SLC1A2: variants seen among roughly 807,000 people sequenced by gnomAD.
SLC1A2 encodes excitatory amino acid transporter 2.
In SLC1A2, 15 loss-of-function variants were observed where a neutral mutation model predicts 48.8. The observed-to-expected ratio is 0.31, with a 90% CI of 0.21 to 0.47. The LOEUF is 0.47. Among genes scored for constraint, SLC1A2 ranks in the 20% least tolerant of loss-of-function variants. The pLI is 0.99. For synonymous variants in SLC1A2, 279 were observed against 272.6 expected, an observed-to-expected ratio of 1.02 and a Z score of -0.23; for missense variants, 502 against 730.5, an observed-to-expected ratio of 0.69 and a Z score of 3.61.
intron 1 of SLC1A2, among the ~76,000 whole-genome samples, chr11:35,410,879 C>T (rs116362978): frequency 0.013 from 2,020 of 152,250 alleles, 45 homozygotes; most frequent in African/African-American, 0.046. Flanking sequence ...TAAGGATTTA[C>T]GCTGAAAGCT....
intron 1 of SLC1A2, among the ~76,000 whole-genome samples, chr11:35,402,776 C>T (rs2135275934): frequency 6.6e-6 from 1 of 152,336 alleles, no homozygotes; most frequent in Non-Finnish European, 1.5e-5. Flanking sequence ...GGACACCTGC[C>T]TGGTGTCGGG....
intron 1 of SLC1A2, among the ~76,000 whole-genome samples, chr11:35,394,444 T>C (rs1318550118): frequency 2.0e-5 from 3 of 151,996 alleles, no homozygotes; most frequent in African/African-American, 7.3e-5. Flanking sequence ...AATATGGAAG[T>C]GCAAATAGCT....
At chr11:35,296,602 C>T (rs1294963351) in intron 6 of SLC1A2, among the ~76,000 whole-genome samples, 1 of 152,142 alleles carries the variant, frequency 6.6e-6, no homozygotes, top group Non-Finnish European at 1.5e-5. Flanking sequence ...CTCCTGCCCA[C>T]CTCTCCAACT....
At chr11:35,270,714 A>G (rs1850257701) in intron 9 of SLC1A2, among the ~76,000 whole-genome samples, 1 of 152,244 alleles carries the variant, frequency 6.6e-6, no homozygotes, top group Non-Finnish European at 1.5e-5. Context: ...CTTTAAGTAG[A>G]AGTGTCTTGA....
intron 1 of SLC1A2, among the ~76,000 whole-genome samples, chr11:35,340,792 A>G (rs1214078501): frequency 6.6e-6 from 1 of 152,232 alleles, no homozygotes; most frequent in Non-Finnish European, 1.5e-5. Flanking sequence ...GAACTTTCTT[A>G]GAAAACTGTG....
intron 1 of SLC1A2, among the ~76,000 whole-genome samples, chr11:35,397,695 A>T (rs923450668): frequency 6.6e-6 from 1 of 152,132 alleles, no homozygotes; most frequent in Non-Finnish European, 1.5e-5. Context: ...TGGAGCCCTC[A>T]TGAATGGAAT....
At chr11:35,343,118 G>A (rs1201589358) in intron 1 of SLC1A2, among the ~76,000 whole-genome samples, 3 of 152,246 alleles carry the variant, frequency 2.0e-5, no homozygotes, top group Non-Finnish European at 4.4e-5. Context: ...TAGTGAGACA[G>A]GAATAATACA....
chr11:35,269,738 C>T (rs181573975), intron 9 of SLC1A2, among the ~76,000 whole-genome samples: 7 of 152,252 alleles, frequency 4.6e-5, no homozygotes, highest in Non-Finnish European at 7.4e-5. Context: ...CATCAAATCT[C>T]CTTGAATTTG....
intron 1 of SLC1A2, among the ~76,000 whole-genome samples, chr11:35,341,840 A>G (rs1416547398): frequency 6.6e-6 from 1 of 152,262 alleles, no homozygotes; most frequent in Non-Finnish European, 1.5e-5. Context: ...TTATAAAAGT[A>G]AAAAACTGAG....
chr11:35,374,655 G>C (rs1012003046), intron 1 of SLC1A2, among the ~76,000 whole-genome samples: 1 of 152,068 alleles, frequency 6.6e-6, no homozygotes, highest in Non-Finnish European at 1.5e-5. Context: ...TCATTCAAAG[G>C]GTTGGTTGGA....
intron 1 of SLC1A2, among the ~76,000 whole-genome samples, chr11:35,335,368 A>T (rs1207640042): frequency 6.6e-6 from 1 of 152,150 alleles, no homozygotes; most frequent in East Asian, 1.9e-4. Context: ...GTTCTTTCAA[A>T]CTTCAGCCAT....
At position 35,309,078 on chromosome 11, in the gene SLC1A2, C is replaced by A. The variant is rs568578612; in HGVS notation, c.562-2836G>T. Reference sequence around the variant, plus strand: ...GCCTCTACTGAGAAGCTCCTTTCCCCAGCTCTTTGTAGGCCTAACTCATTC... The same window carrying A: ...GCCTCTACTGAGAAGCTCCTTTCCCAAGCTCTTTGTAGGCCTAACTCATTC... On this transcript the variant is annotated intron_variant, in intron 4 of 10. Transcript: ENST00000278379. 3.3e-5 allele frequency among the ~76,000 whole-genome samples: 5 copies of A among 152,296 alleles called. No individual in the cohort carries two copies. In the South Asian group the frequency reaches 1.0e-3, roughly 32 times the overall value.
intron 1 of SLC1A2, among the ~76,000 whole-genome samples, chr11:35,414,517 A>G (rs1449614796): frequency 6.6e-6 from 1 of 152,110 alleles, no homozygotes; most frequent in Non-Finnish European, 1.5e-5. Context: ...TGGCACTTGG[A>G]GAGTTGCGGG....
chr11:35,299,881 T>C (rs1248572625), intron 6 of SLC1A2, among the ~76,000 whole-genome samples: 4 of 152,138 alleles, frequency 2.6e-5, no homozygotes, highest in Non-Finnish European at 5.9e-5. Context: ...AGATGGGGAA[T>C]AGGTAACCCA....
At chr11:35,378,350 C>T (rs1854307958) in intron 1 of SLC1A2, among the ~76,000 whole-genome samples, 1 of 152,244 alleles carries the variant, frequency 6.6e-6, no homozygotes, top group Non-Finnish European at 1.5e-5. Flanking sequence ...CCTGGGAAGA[C>T]AGCAGTATTA....
intron 1 of SLC1A2, among the ~76,000 whole-genome samples, chr11:35,394,043 C>T (rs2045954351): frequency 6.6e-6 from 1 of 152,158 alleles, no homozygotes; most frequent in Admixed American, 6.5e-5. Context: ...CCCTTCCTTC[C>T]TCCCTTGGCA....
chr11:35,383,016 A>T (rs78119263), intron 1 of SLC1A2, among the ~76,000 whole-genome samples: 1 of 152,242 alleles, frequency 6.6e-6, no homozygotes, highest in Non-Finnish European at 1.5e-5. Flanking sequence ...AAAAAAATAC[A>T]TATGCAAAGA....
intron 1 of SLC1A2, among the ~76,000 whole-genome samples, chr11:35,362,186 C>T (rs546415879): frequency 1.3e-5 from 2 of 152,298 alleles, no homozygotes; most frequent in East Asian, 1.9e-4. Flanking sequence ...TTGCATGTGG[C>T]CTGATGCAGA....
chr11:35,335,826 A>G (rs1852610411), intron 1 of SLC1A2, among the ~76,000 whole-genome samples: 2 of 152,190 alleles, frequency 1.3e-5, no homozygotes, highest in Non-Finnish European at 2.9e-5. Context: ...GTAGTCTCAT[A>G]AGCCAGTCTC....
Sources: allele counts gnomAD v4.1 joint callset (sites outside exome capture counted in the v4.1 genomes callset), GRCh38; gene constraint gnomAD v4.1.1; transcripts MANE v1.5; gene names NCBI Gene and HGNC (gene_info 2026-07-23, HGNC 2026-07-21).